The following SPHKAP variants were observed in gnomAD, a reference collection of about 807,000 sequenced individuals.
SPHKAP encodes the protein SPHK1 interactor, AKAP domain containing.
A neutral mutation model predicts 137.5 loss-of-function variants in SPHKAP; 67 were observed. The observed-to-expected ratio is 0.49, with a 90% CI of 0.40 to 0.60. The LOEUF (loss-of-function observed/expected upper bound fraction) is 0.60. SPHKAP is among the 20% of genes least tolerant of loss of function. The probability of loss-of-function intolerance (pLI) is 0.00; values close to 1 mark genes in which losing one functional copy is unlikely to be tolerated. For synonymous variants in SPHKAP, 813 were observed against 785.3 expected, an observed-to-expected ratio of 1.04 and a Z score of -0.59; for missense variants, 2,097 against 2,069.3, an observed-to-expected ratio of 1.01 and a Z score of -0.26.
intron 1 of SPHKAP, among the ~76,000 whole-genome samples, chr2:228,145,444 T>A (rs1280682766): frequency 6.6e-6 from 1 of 152,174 alleles, no homozygotes; most frequent in Non-Finnish European, 1.5e-5. Flanking sequence ...TGCAGCATGT[T>A]GAAATTGGAT....
At chr2:228,168,214 C>T (rs1700477065) in intron 1 of SPHKAP, among the ~76,000 whole-genome samples, 1 of 152,032 alleles carries the variant, frequency 6.6e-6, no homozygotes, top group African/African-American at 2.4e-5. Flanking sequence ...CAACTTGCCA[C>T]AAGAAAATTA....
rs773380311 is a variant in SPHKAP, at chr2:228,019,171, C to A, written c.1683G>T (p.Met561Ile). The change falls in exon 7 of 12, where the codon ATG becomes ATT. Residue 561 changes from methionine (M) to isoleucine (I), a missense_variant. Met to Ile is a conservative substitution (Grantham distance 10, BLOSUM62 1). Transcript: ENST00000392056. ...EYSFPSALCG[M>I]TQVASAVAVC... ...CAGCCACGGCACTGGCCACCTGAGT[C>A]ATGCCACACAAAGCAGATGGAAAGG... 14 of 1,613,782 alleles carry A rather than the reference C, an allele frequency of 8.7e-6. No individual in the cohort carries two copies. Among genetic ancestry groups the A allele is most frequent in the Non-Finnish European group, 1.2e-5 (14 of 1,180,032 alleles).
At chr2:227,999,939 A>G (rs188040882) in intron 7 of SPHKAP, among the ~76,000 whole-genome samples, 8 of 152,308 alleles carry the variant, frequency 5.3e-5, no homozygotes, top group East Asian at 1.9e-4. Context: ...TTTAGAGACC[A>G]TCTAGCCTGT....
intron 7 of SPHKAP, among the ~76,000 whole-genome samples, chr2:227,999,363 T>C (rs2106174874): frequency 6.6e-6 from 1 of 152,288 alleles, no homozygotes; most frequent in South Asian, 2.1e-4. Context: ...AGAGGCAGCA[T>C]GGACTTAAAT....
chr2:228,084,027 G>A (rs13024555), intron 3 of SPHKAP, among the ~76,000 whole-genome samples: 46,467 of 150,782 alleles, frequency 0.31, 7,330 homozygotes, highest in Admixed American at 0.4. Flanking sequence ...GCAGCAAACC[G>A]CCATGGCACA....
chr2:228,059,661 C>G (rs895570146), intron 3 of SPHKAP, among the ~76,000 whole-genome samples: 6 of 152,122 alleles, frequency 3.9e-5, no homozygotes, highest in African/African-American at 1.2e-4. Flanking sequence ...AACTTAAATA[C>G]AGCAAAAAGC....
intron 1 of SPHKAP, among the ~76,000 whole-genome samples, chr2:228,132,843 C>CAAAAAAAAAAAAAAAAA (rs1313392929): frequency 2.5e-4 from 32 of 126,242 alleles, no homozygotes; most frequent in African/African-American, 4.9e-4. Context: ...ACTAAAAATA[C>CAAAAAAAAAAAAAAAAA]AAAAAAAAAA....
intron 7 of SPHKAP, among the ~76,000 whole-genome samples, chr2:228,006,356 T>A (rs1398689281): frequency 2.6e-5 from 4 of 152,216 alleles, no homozygotes; most frequent in Non-Finnish European, 5.9e-5. Flanking sequence ...TGTGCATTCA[T>A]CATGTAATTC....
chr2:228,148,266 C>T (rs1413879043), intron 1 of SPHKAP, among the ~76,000 whole-genome samples: 1 of 152,300 alleles, frequency 6.6e-6, no homozygotes, highest in Middle Eastern at 3.4e-3. Context: ...CCCAAACACA[C>T]TGCCAGTCCT....
intron 1 of SPHKAP, among the ~76,000 whole-genome samples, chr2:228,178,013 C>T (rs886092052): frequency 2.6e-5 from 4 of 152,086 alleles, no homozygotes; most frequent in Non-Finnish European, 5.9e-5. Context: ...TTAGATATGG[C>T]CAAGGTGACA....
Position 227,993,852 on chromosome 2 carries a change from T to A in SPHKAP, c.4635-232A>T, listed in dbSNP as rs114678213. 9.5e-3 allele frequency among the ~76,000 whole-genome samples: 1,439 copies of A among 152,252 alleles called. 29 individuals carry two copies. The highest frequency in any genetic ancestry group is 0.033 in the African/African-American group (1,370 of 41,544). On this transcript the variant is annotated intron_variant, in intron 8 of 11. Transcript: ENST00000392056. Reference sequence around the variant, plus strand: ...AATAATACTACTAATAATTTGTGAATAATAATAAGTTGTGATACCACTTTC... The same window carrying A: ...AATAATACTACTAATAATTTGTGAAAAATAATAAGTTGTGATACCACTTTC...
chr2:228,085,706 C>T (rs1697514193), intron 3 of SPHKAP, among the ~76,000 whole-genome samples: 1 of 152,108 alleles, frequency 6.6e-6, no homozygotes, highest in Admixed American at 6.6e-5. Context: ...CTTTTAATGG[C>T]TTCTCTGCAC....
intron 1 of SPHKAP, among the ~76,000 whole-genome samples, chr2:228,139,695 C>T (rs1221460195): frequency 6.6e-6 from 1 of 152,030 alleles, no homozygotes; most frequent in Non-Finnish European, 1.5e-5. Context: ...TTTCTCTTTT[C>T]TCTTTCATTT....
At position 228,149,784 on chromosome 2, in the gene SPHKAP, G is replaced by A. The variant is rs572758241; in HGVS notation, c.33-17699C>T. 1.2e-3 allele frequency among the ~76,000 whole-genome samples: 181 copies of A among 151,904 alleles called. 1 individual carries two copies. Among genetic ancestry groups the A allele is most frequent in the South Asian group, 2.5e-3 (12 of 4,822 alleles). On this transcript the variant is annotated intron_variant, in intron 1 of 11. Coordinates refer to ENST00000392056, the MANE Select transcript of SPHKAP (RefSeq NM_001142644.2). ...ATGTAAATTTTCTGATTTATATTCA[G>A]CAAACATCCTAAATTTATTTATTCA...
intron 3 of SPHKAP, among the ~76,000 whole-genome samples, chr2:228,079,637 C>A (rs1223684703): frequency 1.3e-5 from 2 of 152,230 alleles, no homozygotes; most frequent in South Asian, 2.1e-4. Flanking sequence ...AGTGCCTGAC[C>A]AGCCCCTGCA....
intron 3 of SPHKAP, among the ~76,000 whole-genome samples, chr2:228,067,042 C>G (rs915739282): frequency 2.6e-5 from 4 of 152,162 alleles, no homozygotes; most frequent in African/African-American, 9.7e-5. Flanking sequence ...TCAGCTCCAC[C>G]GACGTGACTA....
At chr2:228,170,817 T>A (rs976127861) in intron 1 of SPHKAP, among the ~76,000 whole-genome samples, 3 of 152,134 alleles carry the variant, frequency 2.0e-5, no homozygotes, top group Non-Finnish European at 4.4e-5. Flanking sequence ...ACCATATCGC[T>A]GGGGTATATC....
At chr2:228,006,309 C>G (rs1694129199) in intron 7 of SPHKAP, among the ~76,000 whole-genome samples, 1 of 152,270 alleles carries the variant, frequency 6.6e-6, no homozygotes, top group African/African-American at 2.4e-5. Context: ...GTCACTGATA[C>G]CCTTTCTTCC....
intron 2 of SPHKAP, among the ~76,000 whole-genome samples, chr2:228,113,616 TC>T (rs1227459688): frequency 2.7e-5 from 3 of 112,004 alleles, no homozygotes; most frequent in Non-Finnish European, 6.2e-5. Flanking sequence ...TCTCTCTCTC[TC>T]TCTCTCTCTC....
Sources: allele counts gnomAD v4.1 joint callset (sites outside exome capture counted in the v4.1 genomes callset), GRCh38; gene constraint gnomAD v4.1.1; transcripts MANE v1.5; gene names NCBI Gene and HGNC (gene_info 2026-07-23, HGNC 2026-07-21).